ZBTB20: variants seen among roughly 807,000 people sequenced by gnomAD.
ZBTB20 encodes the protein zinc finger and BTB domain containing 20.
Under a neutral mutation model 56.9 loss-of-function variants are expected in ZBTB20, and 9 were observed. The observed-to-expected ratio is 0.16, with a 90% CI of 0.10 to 0.28. The LOEUF is 0.28. ZBTB20 is among the 10% of genes least tolerant of loss of function. The pLI is 1.00. For missense variants in ZBTB20, 655 were observed against 1,003.0 expected (o/e 0.65, Z 4.69); for synonymous variants, 417 against 420.7 (o/e 0.99, Z 0.11).
intron 7 of ZBTB20, among the ~76,000 whole-genome samples, chr3:114,420,197 G>A (rs2089007104): frequency 6.6e-6 from 1 of 152,076 alleles, no homozygotes; most frequent in Non-Finnish European, 1.5e-5. Flanking sequence ...ATAGCAATTA[G>A]CATCTCTATA....
intron 1 of ZBTB20, among the ~76,000 whole-genome samples, chr3:115,146,146 T>C (rs892073789): frequency 6.6e-5 from 10 of 152,288 alleles, no homozygotes; most frequent in Middle Eastern, 3.4e-3. Context: ...CAGATTTTCA[T>C]TGGAGAGCTG....
At chr3:114,608,763 A>G (rs2057346924) in intron 6 of ZBTB20, among the ~76,000 whole-genome samples, 1 of 152,230 alleles carries the variant, frequency 6.6e-6, no homozygotes, top group South Asian at 2.1e-4. Flanking sequence ...GCATATGCTT[A>G]GTCATGTAAC....
chr3:115,066,101 T>C (rs1038992448), intron 2 of ZBTB20, among the ~76,000 whole-genome samples: 1 of 152,138 alleles, frequency 6.6e-6, no homozygotes, highest in African/African-American at 2.4e-5. Context: ...AACACACTTA[T>C]CCTAACTTTT....
chr3:114,404,887 C>T (rs771308091), intron 7 of ZBTB20, among the ~76,000 whole-genome samples: 2 of 152,244 alleles, frequency 1.3e-5, no homozygotes, highest in Non-Finnish European at 2.9e-5. Context: ...TCCCTCTGGA[C>T]ACAACTCACG....
Position 114,350,371 on chromosome 3 carries a change from G to A in ZBTB20, c.1707C>T (p.Ala569=). The stretch of plus-strand genomic sequence containing the variant: ...AAGGCTTTTTTTCGCCTTGCCCACT[G>A]GCTGTGCTGTGGCCTGCGGATGAGG... The part of the protein sequence containing the change: ...PLASSAGHST[A]SGQGEKKPYE... The change falls in exon 11 of 12, where the codon GCC becomes GCT. Residue 569 remains alanine, a synonymous_variant. Transcript: ENST00000675478. The A allele has an allele frequency of 6.2e-7, 1 of 1,614,186 alleles. No homozygotes were observed. The highest frequency in any genetic ancestry group is 8.5e-7 in the Non-Finnish European group (1 of 1,180,046).
intron 5 of ZBTB20, among the ~76,000 whole-genome samples, chr3:114,793,345 T>C (rs990964561): frequency 7.9e-5 from 12 of 152,138 alleles, no homozygotes; most frequent in African/African-American, 2.4e-4. Context: ...GTCTAATAAT[T>C]ACAATTTTTT....
At chr3:114,970,525 C>A (rs955575403) in intron 3 of ZBTB20, among the ~76,000 whole-genome samples, 1 of 152,092 alleles carries the variant, frequency 6.6e-6, no homozygotes, top group African/African-American at 2.4e-5. Flanking sequence ...TAGTGTGTTT[C>A]ATGAAAACAT....
At chr3:114,827,216 A>G (rs2073577547) in intron 4 of ZBTB20, among the ~76,000 whole-genome samples, 1 of 151,788 alleles carries the variant, frequency 6.6e-6, no homozygotes, top group Admixed American at 6.6e-5. Flanking sequence ...CTAAAAACTC[A>G]GAAGTCCATG....
intron 2 of ZBTB20, among the ~76,000 whole-genome samples, chr3:115,033,735 TCCCTGATTGATTACATGAGGCCTGTATTA>T (rs1271998249): frequency 6.6e-6 from 1 of 151,562 alleles, no homozygotes; most frequent in East Asian, 1.9e-4. Flanking sequence ...AAGGAAACAC[TCCCTGATTGATTACATGAGGCCTGTATTA>T]CCCTGATGCC....
chr3:114,581,214 C>T (rs2054604378), intron 6 of ZBTB20, among the ~76,000 whole-genome samples: 1 of 151,578 alleles, frequency 6.6e-6, no homozygotes, highest in African/African-American at 2.4e-5. Flanking sequence ...ACTGGGTTAT[C>T]CATATGGAAA....
intron 5 of ZBTB20, among the ~76,000 whole-genome samples, chr3:114,793,871 G>A (rs886583955): frequency 2.0e-5 from 3 of 152,044 alleles, no homozygotes; most frequent in East Asian, 1.9e-4. Flanking sequence ...TACAGTCAAT[G>A]CTGTGAGAAT....
chr3:114,542,606 CTAAGTTACCTTGT>C (rs879272258), intron 6 of ZBTB20, among the ~76,000 whole-genome samples: 12 of 152,122 alleles, frequency 7.9e-5, no homozygotes, highest in Non-Finnish European at 1.6e-4. Flanking sequence ...TTGAAAGCAG[CTAAGTTACCTTGT>C]GTAATGAAAA....
At chr3:114,482,564 G>GT (rs955261148) in intron 7 of ZBTB20, among the ~76,000 whole-genome samples, 1 of 151,982 alleles carries the variant, frequency 6.6e-6, no homozygotes, top group Non-Finnish European at 1.5e-5. Flanking sequence ...ATTTTTTGTT[G>GT]TTTTTTTGGC....
chr3:115,068,792 T>G (rs1181022294), intron 2 of ZBTB20, among the ~76,000 whole-genome samples: 1 of 152,098 alleles, frequency 6.6e-6, no homozygotes, highest in Non-Finnish European at 1.5e-5. Flanking sequence ...ATGTTTCAAA[T>G]TCCACTTTGC....
chr3:114,970,689 T>A (rs1159369471), intron 3 of ZBTB20, among the ~76,000 whole-genome samples: 1 of 152,126 alleles, frequency 6.6e-6, no homozygotes, highest in Non-Finnish European at 1.5e-5. Context: ...CACAATCAAT[T>A]ACTTGAGATA....
At chr3:114,679,911 A>T (rs139294592) in intron 6 of ZBTB20, among the ~76,000 whole-genome samples, 2,704 of 152,312 alleles carry the variant, frequency 0.018, 29 homozygotes, top group Middle Eastern at 0.092. Flanking sequence ...GATTGACTGG[A>T]TAAAGAAAAT....
chr3:114,859,572 G>GTTTTTTTTTTTTT (rs59741665), intron 4 of ZBTB20, among the ~76,000 whole-genome samples: 1 of 116,606 alleles, frequency 8.6e-6, no homozygotes, highest in African/African-American at 3.1e-5. Context: ...TTCTTATGGC[G>GTTTTTTTTTTTTT]TTTTTTTTTT....
rs771958765 is a variant in ZBTB20 at position 114,350,526 on chromosome 3, C to T, written c.1552G>A (p.Gly518Ser). Residue 518 changes from glycine to serine, a missense_variant, in exon 11 of 12, where the codon GGC becomes AGC. Gly to Ser is a moderately conservative substitution (Grantham distance 56, BLOSUM62 0). Coordinates refer to ENST00000675478, the MANE Select transcript of ZBTB20 (RefSeq NM_001348800.3). ...LPALFTTQPAGSGPKPFLFSL... is the reference protein window; with the variant it reads ...LPALFTTQPASSGPKPFLFSL... ...AAGAGGAAAGGCTTGGGGCCACTGCCCGCGGGCTGGGTAGTGAAGAGGGCT... is the reference window on the plus strand; with the variant it reads ...AAGAGGAAAGGCTTGGGGCCACTGCTCGCGGGCTGGGTAGTGAAGAGGGCT... 5.0e-6 allele frequency: 8 copies of T among 1,613,962 alleles called. No individual in the cohort carries two copies. The highest frequency in any genetic ancestry group is 5.1e-6 in the Non-Finnish European group (6 of 1,180,024).
intron 2 of ZBTB20, among the ~76,000 whole-genome samples, chr3:115,020,939 C>G (rs955560640): frequency 1.3e-5 from 2 of 150,892 alleles, no homozygotes; most frequent in Non-Finnish European, 3.0e-5. Flanking sequence ...TATGGTATAA[C>G]TTTGTACGAT....
Sources: gnomAD v4.1 joint callset for allele counts (sites outside exome capture counted in the v4.1 genomes callset) on GRCh38, gnomAD v4.1.1 for gene constraint, MANE v1.5 for transcripts, NCBI Gene and HGNC (gene_info 2026-07-23, HGNC 2026-07-21) for gene names.